TMEM217: variants seen among roughly 807,000 people sequenced by gnomAD.
The protein encoded by TMEM217 is transmembrane protein 217, also known as chromosome 6 open reading frame 128.
For missense variants in TMEM217, 204 were observed against 248.8 expected (o/e 0.82, Z 1.21); for synonymous variants, 76 against 88.3 (o/e 0.86, Z 0.78).
rs73417900 is a variant in TMEM217, at chr6:37,250,947, C to T, written c.-12+6621G>A. Among the ~76,000 whole-genome samples the T allele has an allele frequency of 4.0e-3, 613 of 152,266 alleles. 5 individuals are homozygous for T. The highest frequency in any genetic ancestry group is 0.014 in the African/African-American group (581 of 41,544). On this transcript the variant is annotated intron_variant, in intron 1 of 1. Transcript: ENST00000357219. ...ATTAATCACCAATATGATGGTATTA[C>T]GCGGTAAGGTATTTGGGAGGTGATG...
At chr6:37,214,651 G>A (rs1763088423), downstream of TMEM217, among the ~76,000 whole-genome samples, 1 of 152,152 alleles carries the variant, frequency 6.6e-6, no homozygotes, top group Non-Finnish European at 1.5e-5. Context: ...GAATTTGCCT[G>A]CTCTAGGTGT....
intron 1 of TMEM217, among the ~76,000 whole-genome samples, chr6:37,256,708 A>T (rs762161576): frequency 7.7e-6 from 1 of 129,438 alleles, no homozygotes; most frequent in South Asian, 2.5e-4. Flanking sequence ...GTATTCTCCA[A>T]TATGTGGAAG....
At chr6:37,215,349 G>C, downstream of TMEM217, 1 of 1,544,778 alleles carries the variant, frequency 6.5e-7, no homozygotes, top group Non-Finnish European at 8.7e-7. Flanking sequence ...ACTTGAGGCA[G>C]GCGGATCACG....
At chr6:37,238,891 G>C (rs950228672) in intron 1 of TMEM217, among the ~76,000 whole-genome samples, 1 of 152,212 alleles carries the variant, frequency 6.6e-6, no homozygotes, top group Non-Finnish European at 1.5e-5. Flanking sequence ...AGCAGTTTAG[G>C]AGGCCAAGGC....
At chr6:37,221,439 G>T (rs1034663516) in intron 1 of TMEM217, among the ~76,000 whole-genome samples, 3 of 151,926 alleles carry the variant, frequency 2.0e-5, no homozygotes, top group Non-Finnish European at 4.4e-5. Flanking sequence ...CTCCCACCTC[G>T]GCCTCCCAAA....
intron 1 of TMEM217, among the ~76,000 whole-genome samples, chr6:37,242,649 A>G (rs1764830500): frequency 6.6e-6 from 1 of 152,208 alleles, no homozygotes; most frequent in Non-Finnish European, 1.5e-5. Flanking sequence ...CTGGGACCCA[A>G]CTTTCCAGGG....
intron 1 of TMEM217, among the ~76,000 whole-genome samples, chr6:37,249,569 C>T (rs1396928534): frequency 6.6e-6 from 1 of 152,204 alleles, no homozygotes; most frequent in African/African-American, 2.4e-5. Context: ...GATCCACCCA[C>T]CTCAGCCTCC....
At chr6:37,229,133 T>C (rs2113848753) in intron 1 of TMEM217, among the ~76,000 whole-genome samples, 1 of 152,260 alleles carries the variant, frequency 6.6e-6, no homozygotes, top group East Asian at 1.9e-4. Flanking sequence ...ATTTATTTCC[T>C]CGTTGATAGT....
chr6:37,252,476 C>T (rs955123731), intron 1 of TMEM217, among the ~76,000 whole-genome samples: 4 of 151,450 alleles, frequency 2.6e-5, no homozygotes, highest in African/African-American at 9.7e-5. Context: ...TGTATACATA[C>T]ATAACATACA....
chr6:37,219,770 G>A lies in TMEM217; in HGVS notation c.-11-729C>T, dbSNP rs566692667. On this transcript the variant is annotated intron_variant, in intron 1 of 1. Coordinates refer to ENST00000357219, the Ensembl canonical transcript of TMEM217. The stretch of plus-strand genomic sequence containing the variant: ...TTATGCTGTTAACTCTCCCAGCATT[G>A]CCTTGGGCTTCCATTGCTGCCCAGA... 3.9e-5 allele frequency among the ~76,000 whole-genome samples: 6 copies of A among 152,180 alleles called. No homozygotes were observed. The East Asian group carries it at 1.2e-3, about 29-fold the overall frequency.
At chr6:37,226,062 T>C (rs1376938498) in intron 1 of TMEM217, among the ~76,000 whole-genome samples, 1 of 152,162 alleles carries the variant, frequency 6.6e-6, no homozygotes, top group African/African-American at 2.4e-5. Context: ...ACTTCTTTAT[T>C]GACGAAGTGT....
At chr6:37,218,072 A>G in exon 2 of TMEM217, 1 of 1,005,968 alleles carries the variant, frequency 9.9e-7, no homozygotes, top group Non-Finnish European at 1.2e-6. Flanking sequence ...GGGGGGAAAA[A>G]AGGAAATAGA....
chr6:37,241,981 A>T (rs1453611091), intron 1 of TMEM217, among the ~76,000 whole-genome samples: 3 of 150,546 alleles, frequency 2.0e-5, no homozygotes, highest in African/African-American at 7.3e-5. Context: ...CTGCTTCCTC[A>T]GGGAGTTAGG....
In TMEM217 at chr6:37,224,454, C is replaced by T. The variant is rs1032326645; in HGVS notation, c.-11-5413G>A. Among the ~76,000 whole-genome samples the T allele has an allele frequency of 1.6e-4, 24 of 149,978 alleles. 1 individual carries two copies. In the East Asian group the frequency reaches 4.8e-3, roughly 30 times the overall value. On this transcript the variant is annotated intron_variant, in intron 1 of 1. Transcript: ENST00000357219. ...TCTACTAAAAATACAAAAAATTAGC[C>T]GGGCGTGGTGGCGGGCACCTGTGGT... is the stretch of plus-strand genomic sequence containing the variant.
In TMEM217 at chr6:37,253,181, C is replaced by T. The variant is rs147518133; in HGVS notation, c.-12+4387G>A. Among the ~76,000 whole-genome samples the T allele has an allele frequency of 3.7e-3, 568 of 152,270 alleles. 4 individuals carry two copies. Among genetic ancestry groups the T allele is most frequent in the African/African-American group, 0.013 (526 of 41,552 alleles). On this transcript the variant is annotated intron_variant, in intron 1 of 1. Coordinates refer to ENST00000357219, the Ensembl canonical transcript of TMEM217. ...GCTATGTAGCATTCAAATTTGCCCTCTTTAATGGTATAACATGGTTCAAGT... is the reference window on the plus strand; with the variant it reads ...GCTATGTAGCATTCAAATTTGCCCTTTTTAATGGTATAACATGGTTCAAGT...
chr6:37,249,079 G>C (rs1765248868), intron 1 of TMEM217, among the ~76,000 whole-genome samples: 1 of 152,088 alleles, frequency 6.6e-6, no homozygotes, highest in Admixed American at 6.5e-5. Context: ...CATTGGATTT[G>C]AGACCCAGCC....
In TMEM217 at chr6:37,234,790, A is replaced by T. The variant is rs1323914852; in HGVS notation, c.-11-15749T>A. Among the ~76,000 whole-genome samples, 2 of 152,182 alleles carry T rather than the reference A, an allele frequency of 1.3e-5. 1 individual carries two copies. The highest frequency in any genetic ancestry group is 1.3e-4 in the Admixed American group (2 of 15,274). On this transcript the variant is annotated intron_variant, in intron 1 of 1. Coordinates refer to ENST00000357219, the Ensembl canonical transcript of TMEM217. The stretch of plus-strand genomic sequence containing the variant: ...ATACACATGTAATTTTGAGATAAAG[A>T]GATAAATAGGAGGGGAAATAGAAGA...
chr6:37,244,699 TA>T (rs1319585550), intron 1 of TMEM217, among the ~76,000 whole-genome samples: 1 of 152,174 alleles, frequency 6.6e-6, no homozygotes, highest in African/African-American at 2.4e-5. Context: ...TAAACAACCA[TA>T]AAACCACAAT....
chr6:37,238,170 A>AG (rs1764590421), intron 1 of TMEM217, among the ~76,000 whole-genome samples: 1 of 151,778 alleles, frequency 6.6e-6, no homozygotes, highest in South Asian at 2.1e-4. Flanking sequence ...AAACACTGAA[A>AG]AAAAAAAACC....
Sources: allele counts gnomAD v4.1 joint callset (sites outside exome capture counted in the v4.1 genomes callset), GRCh38; gene constraint gnomAD v4.1.1; transcripts MANE v1.5; gene names NCBI Gene and HGNC (gene_info 2026-07-23, HGNC 2026-07-21).